CREBBP: variants seen among roughly 807,000 people sequenced by gnomAD.
The protein encoded by CREBBP is CREB-binding protein.
Under a neutral mutation model 265.0 loss-of-function variants are expected in CREBBP, and 19 were observed. The ratio of observed to expected loss-of-function variants is 0.07; its 90% CI spans 0.05 to 0.11. The LOEUF is 0.11. Ranked by LOEUF, CREBBP falls within the 10% of genes least tolerant of loss-of-function variation. The pLI is 1.00. For synonymous variants in CREBBP, 1,457 were observed against 1,223.7 expected, an observed-to-expected ratio of 1.19 and a Z score of -3.98; for missense variants, 2,525 against 3,219.0, an observed-to-expected ratio of 0.78 and a Z score of 5.22.
chr16:3,734,118 G>T (rs1337124388), intron 28 of CREBBP, among the ~76,000 whole-genome samples: 1 of 152,186 alleles, frequency 6.6e-6, no homozygotes, highest in African/African-American at 2.4e-5. Flanking sequence ...CACGAAGCTG[G>T]GACTGCACAC....
Position 3,740,552 on chromosome 16 carries a change from AG to A in CREBBP, c.3983-4del, listed in dbSNP as rs1299718939. The A allele has an allele frequency of 5.6e-6, 9 of 1,614,152 alleles. No individual in the cohort carries two copies. Among genetic ancestry groups the A allele is most frequent in the Middle Eastern group, 1.6e-4 (1 of 6,062 alleles). ...TCCCAGTCTTGTGGTCTGCAGCCCT[AG>A]GAAGTCCAGAAGGAGCAGGTGAGAG... On this transcript the variant is annotated splice_region_variant and splice_polypyrimidine_tract_variant and intron_variant, in intron 23 of 30. Coordinates refer to ENST00000262367, the MANE Select transcript of CREBBP (RefSeq NM_004380.3).
intron 1 of CREBBP, among the ~76,000 whole-genome samples, chr16:3,855,127 T>C (rs1011069755): frequency 1.3e-5 from 2 of 152,214 alleles, no homozygotes; most frequent in Non-Finnish European, 1.5e-5. Flanking sequence ...CAAAATGACA[T>C]GTCCTATAGC....
Position 3,736,057 on chromosome 16 carries a change from A to T in CREBBP, c.4707T>A (p.Thr1569=), listed in dbSNP as rs781318300. ...EEEERKKEES[T]AASETTEGSQ... is the part of the protein sequence containing the mutation. ...GTACCTCAGTGGTTTCACTGGCTGCAGTGCTCTCTTCCTTTTTCCTCTCCT... is the reference window on the plus strand; with the variant it reads ...GTACCTCAGTGGTTTCACTGGCTGCTGTGCTCTCTTCCTTTTTCCTCTCCT... Residue 1569 remains threonine, a synonymous_variant, in exon 28 of 31, where the codon ACT becomes ACA. Coordinates refer to ENST00000262367, the MANE Select transcript of CREBBP (RefSeq NM_004380.3). The T allele has an allele frequency of 6.2e-7, 1 of 1,614,216 alleles. No homozygotes were observed. The highest frequency in any genetic ancestry group is 1.7e-5 in the Admixed American group (1 of 60,028).
chr16:3,778,307 A>G (rs2053193891), intron 9 of CREBBP, 125 bp from the exon 10 acceptor site: 1 of 753,688 alleles, frequency 1.3e-6, no homozygotes, highest in East Asian at 2.6e-5. Context: ...GTATGCAAAT[A>G]CCTGATACAC....
At chr16:3,873,453 T>C (rs896461561) in intron 1 of CREBBP, among the ~76,000 whole-genome samples, 1 of 152,234 alleles carries the variant, frequency 6.6e-6, no homozygotes, top group Non-Finnish European at 1.5e-5. Flanking sequence ...CACTGGTTTC[T>C]GTGGATACGA....
chr16:3,757,766 T>C (rs754525150), intron 18 of CREBBP, 43 bp downstream of exon 18: 2 of 1,610,748 alleles, frequency 1.2e-6, no homozygotes, highest in Non-Finnish European at 1.7e-6. Flanking sequence ...TCTGGCTGGA[T>C]TAACCAGGAA....
chr16:3,772,717 C>T (rs186708277), intron 13 of CREBBP, among the ~76,000 whole-genome samples: 2 of 152,084 alleles, frequency 1.3e-5, no homozygotes, highest in African/African-American at 4.8e-5. Context: ...TAAGAATAAT[C>T]ATTTAGTGAG....
In CREBBP at chr16:3,770,795, G is replaced by C. The variant is rs2052985065; in HGVS notation, c.2655C>G (p.Pro885=). 6.2e-7 allele frequency: 1 copy of C among 1,614,088 alleles called. No individual in the cohort carries two copies. The highest frequency in any genetic ancestry group is 2.2e-5 in the East Asian group (1 of 44,858). ...ACGACACAGGAGTTGATGGCTGAGT[G>C]GGAGCTGCTGGCTGGGGAGGAGTCA... ...PGMTPPQPAA[P]TQPSTPVSSS... is the part of the protein sequence containing the mutation. Residue 885 remains proline, a synonymous_variant, in exon 14 of 31, where the codon CCC becomes CCG. Coordinates refer to ENST00000262367, the MANE Select transcript of CREBBP (RefSeq NM_004380.3).
chr16:3,806,445 G>A (rs2053831897), intron 3 of CREBBP, among the ~76,000 whole-genome samples: 2 of 149,068 alleles, frequency 1.3e-5, no homozygotes, highest in African/African-American at 5.0e-5. Context: ...TCTCCATAAC[G>A]CAGTTCTTAA....
intron 16 of CREBBP, among the ~76,000 whole-genome samples, chr16:3,762,103 C>A (rs1461080282): frequency 6.6e-6 from 1 of 152,164 alleles, no homozygotes; most frequent in Non-Finnish European, 1.5e-5. Flanking sequence ...CATAGCTGTG[C>A]TCATTCGTTT....
intron 2 of CREBBP, among the ~76,000 whole-genome samples, chr16:3,830,397 A>T (rs1004104868): frequency 3.3e-5 from 5 of 152,088 alleles, no homozygotes; most frequent in African/African-American, 9.7e-5. Context: ...GACATCCTGT[A>T]TCAAAACAAA....
In CREBBP at chr16:3,827,929, C is replaced by T. The variant is rs369742072; in HGVS notation, c.799-17150G>A. ...CTGGTCTCAACCTCCTTGGCTCAAG[C>T]AATCCTCCTGCCTCAACCTCCCAAA... is the stretch of plus-strand genomic sequence containing the variant. On this transcript the variant is annotated intron_variant, in intron 2 of 30. Transcript: ENST00000262367. 4.6e-5 allele frequency among the ~76,000 whole-genome samples: 7 copies of T among 152,246 alleles called. No individual in the cohort carries two copies. The South Asian group carries it at 8.3e-4, about 18-fold the overall frequency.
chr16:3,781,321 A>G lies in CREBBP; in HGVS notation c.1574-15T>C. On this transcript the variant is annotated splice_polypyrimidine_tract_variant and intron_variant, in intron 6 of 30. Transcript: ENST00000262367. ...TGGATTATTTCCTTTAAAGACAGAA[A>G]AGAAATCAATCAACAGTTAAATTTT... is the stretch of plus-strand genomic sequence containing the variant. The G allele has an allele frequency of 6.2e-7, 1 of 1,604,178 alleles. No homozygotes were observed. Among genetic ancestry groups the G allele is most frequent in the Non-Finnish European group, 8.5e-7 (1 of 1,171,916 alleles).
intron 1 of CREBBP, among the ~76,000 whole-genome samples, chr16:3,874,806 T>A (rs899803549): frequency 2.0e-5 from 3 of 152,206 alleles, no homozygotes; most frequent in Admixed American, 6.5e-5. Context: ...CCTCTTAGCA[T>A]GCCCTCTAGT....
intron 1 of CREBBP, among the ~76,000 whole-genome samples, chr16:3,861,666 AAAAAG>A (rs2141546681): frequency 6.6e-6 from 1 of 151,868 alleles, no homozygotes; most frequent in South Asian, 2.1e-4. Context: ...AAAAAAAAAA[AAAAAG>A]AAAGAGAAAA....
Position 3,850,724 on chromosome 16 carries a change from C to A in CREBBP, c.371G>T (p.Ser124Ile), listed in dbSNP as rs756967439. 6.2e-7 allele frequency: 1 copy of A among 1,614,114 alleles called. No individual in the cohort carries two copies. The highest frequency in any genetic ancestry group is 1.1e-5 in the South Asian group (1 of 91,092). The change falls in exon 2 of 31, where the codon AGC becomes ATC. Residue 124 changes from serine to isoleucine, a missense_variant. Ser to Ile is a moderately radical substitution (Grantham distance 142, BLOSUM62 -2). Coordinates refer to ENST00000262367, the MANE Select transcript of CREBBP (RefSeq NM_004380.3). ...GCTGGGGGCTGAAGAATCTCCCTGG[C>A]TCAGAGGGCTCTTGCCCATGGCACT... The part of the protein sequence containing the change: ...SLSAMGKSPL[S>I]QGDSSAPSLP...
In CREBBP at chr16:3,802,092, A is replaced by C. The variant is rs1030380865; in HGVS notation, c.976-8466T>G. 7.9e-5 allele frequency among the ~76,000 whole-genome samples: 6 copies of C among 75,702 alleles called. 1 individual carries two copies. Among genetic ancestry groups the C allele is most frequent in the Admixed American group, 1.4e-4 (1 of 7,274 alleles). The allele number at this position is 75,702 out of a possible 152,430, so 49.7% of individuals were successfully genotyped here. A position where few individuals can be genotyped will look rare whatever the true frequency, so the allele number is the denominator to read the frequency against. On this transcript the variant is annotated intron_variant, in intron 3 of 30. Transcript: ENST00000262367. ...AACTACCTTTAAAAGCAAACTCTTT[A>C]TATTTACTCTGGTATTCCTTAATTT... is the stretch of plus-strand genomic sequence containing the variant.
intron 1 of CREBBP, among the ~76,000 whole-genome samples, chr16:3,856,833 G>A (rs1339299405): frequency 6.6e-6 from 1 of 152,122 alleles, no homozygotes; most frequent in Non-Finnish European, 1.5e-5. Flanking sequence ...TGCAAAAGGC[G>A]ACCTAACTGG....
intron 3 of CREBBP, among the ~76,000 whole-genome samples, chr16:3,795,201 G>T (rs2053583694): frequency 6.6e-6 from 1 of 152,156 alleles, no homozygotes; most frequent in Non-Finnish European, 1.5e-5. Context: ...AGAACACCAT[G>T]AATGCAGGGC....
Sources: gnomAD v4.1 joint callset for allele counts (sites outside exome capture counted in the v4.1 genomes callset) on GRCh38, gnomAD v4.1.1 for gene constraint, MANE v1.5 for transcripts, NCBI Gene and HGNC (gene_info 2026-07-23, HGNC 2026-07-21) for gene names.